NHSL1: variants seen among roughly 807,000 people sequenced by gnomAD.
NHSL1 encodes the protein NHS like 1.
NHSL1 carries 48 observed loss-of-function variants against 95.0 expected under a neutral mutation model. The ratio of observed to expected loss-of-function variants is 0.51; its 90% CI spans 0.40 to 0.64. The LOEUF (loss-of-function observed/expected upper bound fraction) is 0.64. Ranked by LOEUF, NHSL1 falls within the 30% of genes least tolerant of loss-of-function variation. NHSL1 has a pLI of 0.00. For missense variants in NHSL1, 1,971 were observed against 2,077.7 expected (o/e 0.95, Z 1.00); for synonymous variants, 783 against 833.9 (o/e 0.94, Z 1.05).
chr6:138,556,134 A>T (rs1252672280), intron 1 of NHSL1, among the ~76,000 whole-genome samples: 1 of 152,102 alleles, frequency 6.6e-6, no homozygotes, highest in South Asian at 2.1e-4. Context: ...ATGTGTGGTC[A>T]TTGCTTCAAT....
chr6:138,636,329 A>G (rs1228882007), intron 1 of NHSL1, among the ~76,000 whole-genome samples: 1 of 152,120 alleles, frequency 6.6e-6, no homozygotes, highest in Non-Finnish European at 1.5e-5. Flanking sequence ...GGGAAAAAGT[A>G]AAAGGCTTTC....
At chr6:138,464,142 T>C (rs1778186705) in intron 3 of NHSL1, 1 of 576,410 alleles carries the variant, frequency 1.7e-6, no homozygotes. Flanking sequence ...TCGATCTCAC[T>C]CCGTTGTTTC....
chr6:138,549,722 G>A (rs535888250), upstream of NHSL1, among the ~76,000 whole-genome samples: 7 of 152,154 alleles, frequency 4.6e-5, no homozygotes, highest in South Asian at 2.1e-4. Context: ...CTTTTAAATC[G>A]TCTTCAATTT....
upstream of NHSL1, among the ~76,000 whole-genome samples, chr6:138,549,080 G>A (rs1381920522): frequency 6.6e-6 from 1 of 152,122 alleles, no homozygotes; most frequent in Admixed American, 6.5e-5. Flanking sequence ...CACTCACAGT[G>A]TCCTAATAAG....
At chr6:138,503,604 C>T (rs780333087), upstream of NHSL1, among the ~76,000 whole-genome samples, 6 of 152,116 alleles carry the variant, frequency 3.9e-5, no homozygotes, top group Non-Finnish European at 7.4e-5. Context: ...CAGGGTTGAG[C>T]GGCTACGACT....
chr6:138,593,826 T>C (rs1784265851), intron 1 of NHSL1, among the ~76,000 whole-genome samples: 1 of 152,236 alleles, frequency 6.6e-6, no homozygotes, highest in Non-Finnish European at 1.5e-5. Flanking sequence ...CTTCCATTTG[T>C]TAATTCAGTC....
intron 1 of NHSL1, among the ~76,000 whole-genome samples, chr6:138,690,453 A>T (rs1325359279): frequency 1.3e-5 from 2 of 152,140 alleles, no homozygotes; most frequent in African/African-American, 2.4e-5. Flanking sequence ...AAAAAAAAAA[A>T]AATGGGGCCA....
intron 1 of NHSL1, among the ~76,000 whole-genome samples, chr6:138,524,140 C>T (rs1223675072): frequency 1.3e-5 from 2 of 152,164 alleles, no homozygotes; most frequent in Non-Finnish European, 2.9e-5. Context: ...TCCTATTTAC[C>T]TCTGAAGAAT....
At chr6:138,665,803 C>T (rs1202894739) in intron 1 of NHSL1, among the ~76,000 whole-genome samples, 1 of 152,052 alleles carries the variant, frequency 6.6e-6, no homozygotes, top group Non-Finnish European at 1.5e-5. Flanking sequence ...CCTATCGCCC[C>T]TCTAATTAAA....
intron 2 of NHSL1, among the ~76,000 whole-genome samples, chr6:138,483,890 C>A (rs1779570329): frequency 2.0e-5 from 3 of 152,132 alleles, no homozygotes; most frequent in Admixed American, 2.0e-4. Flanking sequence ...GGTACTGTAA[C>A]TATATGACAA....
At chr6:138,570,832 G>A (rs147963647) in intron 1 of NHSL1, among the ~76,000 whole-genome samples, 65 of 152,302 alleles carry the variant, frequency 4.3e-4, no homozygotes, top group African/African-American at 1.4e-3. Flanking sequence ...ACAATCACGC[G>A]GAAGGTCTGG....
intron 2 of NHSL1, among the ~76,000 whole-genome samples, chr6:138,484,964 A>T (rs116619840): frequency 0.012 from 1,889 of 152,296 alleles, 50 homozygotes; most frequent in African/African-American, 0.043. Flanking sequence ...ACTAAATCTG[A>T]TTTAAATTAA....
chr6:138,477,659 TA>T (rs1779159631), intron 2 of NHSL1, among the ~76,000 whole-genome samples: 1 of 152,174 alleles, frequency 6.6e-6, no homozygotes, highest in Admixed American at 6.5e-5. Context: ...TTTAAAAATT[TA>T]AATTATAAAA....
chr6:138,667,069 T>C (rs1785304626), intron 1 of NHSL1, among the ~76,000 whole-genome samples: 1 of 152,240 alleles, frequency 6.6e-6, no homozygotes. Context: ...CAGTTTCTTT[T>C]AATGTCCAAT....
In NHSL1 at chr6:138,432,434, G is replaced by C. The variant is rs1175603290; in HGVS notation, c.1911C>G (p.Ile637Met). 5 of 1,552,212 alleles carry C rather than the reference G, an allele frequency of 3.2e-6. No homozygotes were observed. The African/African-American group carries it at 6.8e-5, about 21-fold the overall frequency. Residue 637 changes from isoleucine to methionine, a missense_variant, in exon 6 of 8, where the codon ATC (isoleucine) becomes ATG (methionine). By Grantham distance (10) the Ile-to-Met change is conservative. Transcript: ENST00000343505. This position sits in a 1 kb window ranked among gnomAD's most constrained non-coding sequence, Gnocchi z 4.4. ...TCTGAGCTCTTCCAACAAAAACATT[G>C]ATCACGCTGTGCCTGGGGTTCCCAA... is the stretch of plus-strand genomic sequence containing the variant. ...DGFGNPRHSV[I>M]NVFVGRAQKN...
rs1001148354 is a variant in NHSL1 at position 138,544,922 on chromosome 6, T to C, written c.16+701A>G. On this transcript the variant is annotated intron_variant, in intron 1 of 4. Transcript: ENST00000342260. ...ATATACTCATATAATCACCATCTTA[T>C]AGTACTTAGGAAGTATTATAATCCA... 3.3e-5 allele frequency among the ~76,000 whole-genome samples: 5 copies of C among 151,898 alleles called. No individual in the cohort carries two copies. The East Asian group carries it at 5.8e-4, about 18-fold the overall frequency.
chr6:138,517,519 AAG>A (rs1781505619), intron 1 of NHSL1, among the ~76,000 whole-genome samples: 1 of 152,252 alleles, frequency 6.6e-6, no homozygotes, highest in South Asian at 2.1e-4. Flanking sequence ...TATTTAGGGA[AAG>A]AACATCAGAT....
intron 1 of NHSL1, among the ~76,000 whole-genome samples, chr6:138,610,542 T>TAAAA (rs1275593505): frequency 1.9e-5 from 2 of 106,102 alleles, no homozygotes; most frequent in African/African-American, 1.1e-4. Flanking sequence ...AGTATAATAA[T>TAAAA]AAAAAAATAT....
rs1178785866 is a variant in NHSL1, at chr6:138,466,429, T to C, written c.339+6877A>G. Reference sequence around the variant, plus strand: ...TTCTTCCAGAAATGAATGATTTTTCTGTTTCTAAAATGTTCTTCCAGAAAT... The same window carrying C: ...TTCTTCCAGAAATGAATGATTTTTCCGTTTCTAAAATGTTCTTCCAGAAAT... On this transcript the variant is annotated intron_variant, in intron 3 of 7. Transcript: ENST00000343505. 2.0e-5 allele frequency among the ~76,000 whole-genome samples: 3 copies of C among 152,256 alleles called. 1 individual carries two copies. In the East Asian group the frequency reaches 5.8e-4, roughly 29 times the overall value.
Sources: gnomAD v4.1 joint callset for allele counts (sites outside exome capture counted in the v4.1 genomes callset) on GRCh38, gnomAD v4.1.1 for gene constraint, Gnocchi (gnomAD v3.1) non-coding constraint, MANE v1.5 for transcripts, NCBI Gene and HGNC (gene_info 2026-07-23, HGNC 2026-07-21) for gene names.